PMEPA1: variants seen among roughly 807,000 people sequenced by gnomAD.
The protein encoded by PMEPA1 is prostate transmembrane protein, androgen induced 1.
A neutral mutation model predicts 23.0 loss-of-function variants in PMEPA1; 11 were observed. The ratio of observed to expected loss-of-function variants is 0.48; its 90% CI spans 0.30 to 0.79. The LOEUF (loss-of-function observed/expected upper bound fraction) is 0.79, where lower values mean the gene tolerates loss of function less well. PMEPA1 is among the 30% of genes least tolerant of loss of function. PMEPA1 has a pLI of 0.06. For missense variants in PMEPA1, 377 were observed against 390.9 expected (o/e 0.96, Z 0.30); for synonymous variants, 204 against 166.4 (o/e 1.23, Z -1.74).
rs1425048089 is a variant in PMEPA1, at chr20:57,651,324, C to T, written c.*729G>A. On this transcript the variant is annotated 3_prime_UTR_variant, in exon 4 of 4. Coordinates refer to ENST00000341744, the MANE Select transcript of PMEPA1 (RefSeq NM_020182.5). ...CCTCTCTGCAGACTCCACGGGGGCT[C>T]ACCCTCTGCCGTCAGGCGACTCTGA... 1.3e-5 allele frequency: 2 copies of T among 152,712 alleles called. No individual in the cohort carries two copies. Among genetic ancestry groups the T allele is most frequent in the Non-Finnish European group, 2.9e-5 (2 of 68,048 alleles). 9.5% of individuals were successfully genotyped at this position (152,712 alleles called of 1,614,324 possible).
chr20:57,703,622 G>C (rs2072040100), intron 1 of PMEPA1, among the ~76,000 whole-genome samples: 1 of 152,206 alleles, frequency 6.6e-6, no homozygotes, highest in African/African-American at 2.4e-5. Context: ...GCCTGGCAAG[G>C]ACAAGGAGTA....
At chr20:57,678,428 G>A (rs1287845394) in intron 1 of PMEPA1, among the ~76,000 whole-genome samples, 6 of 152,246 alleles carry the variant, frequency 3.9e-5, no homozygotes, top group South Asian at 2.1e-4. Context: ...CACCAGAATC[G>A]CCCTGGCAGA....
chr20:57,689,575 T>A (rs1158263492), intron 1 of PMEPA1, among the ~76,000 whole-genome samples: 2 of 152,172 alleles, frequency 1.3e-5, no homozygotes, highest in African/African-American at 4.8e-5. Flanking sequence ...ACTCGGGGAA[T>A]CCTCTTTGCC....
intron 1 of PMEPA1, among the ~76,000 whole-genome samples, chr20:57,695,405 T>C (rs2071931881): frequency 6.6e-6 from 1 of 152,136 alleles, no homozygotes; most frequent in South Asian, 2.1e-4. Flanking sequence ...CAGATTCAGG[T>C]TACAAAATGT....
rs958905366 is a variant in PMEPA1, at chr20:57,683,312, G to A, written c.110-23615C>T. Among the ~76,000 whole-genome samples the A allele has an allele frequency of 2.0e-5, 3 of 152,212 alleles. No individual in the cohort carries two copies. Among genetic ancestry groups the A allele is most frequent in the Non-Finnish European group, 2.9e-5 (2 of 68,048 alleles). On this transcript the variant is annotated intron_variant, in intron 1 of 3. Coordinates refer to ENST00000341744, the MANE Select transcript of PMEPA1 (RefSeq NM_020182.5). The surrounding 1 kb of genome is among the most constrained non-coding windows in gnomAD (Gnocchi z 4.3). ...TTTGGAGGGAAACATCAATACTGTT[G>A]CCATTCAGTTCTCTATGCCATGCTG...
chr20:57,700,521 G>A (rs2071997406), intron 1 of PMEPA1, among the ~76,000 whole-genome samples: 1 of 152,102 alleles, frequency 6.6e-6, no homozygotes, highest in Non-Finnish European at 1.5e-5. Context: ...CAGCCCAAGG[G>A]GAGTCTAGCA....
At chr20:57,676,279 C>T (rs898174814) in intron 1 of PMEPA1, among the ~76,000 whole-genome samples, 2 of 152,220 alleles carry the variant, frequency 1.3e-5, no homozygotes, top group African/African-American at 4.8e-5. Flanking sequence ...GAATCAACAA[C>T]AGTACCTGCC....
chr20:57,664,559 G>A (rs536730520), intron 1 of PMEPA1, among the ~76,000 whole-genome samples: 8 of 149,758 alleles, frequency 5.3e-5, no homozygotes, highest in Non-Finnish European at 1.0e-4. Flanking sequence ...AATCCTCTTC[G>A]TGCCTGCATT....
At chr20:57,690,641 C>T in intron 1 of PMEPA1, 1 of 1,118,544 alleles carries the variant, frequency 8.9e-7, no homozygotes. Flanking sequence ...CGCACCCCAG[C>T]CTGCGCTTCT....
In PMEPA1 at chr20:57,683,139, C is replaced by T. The variant is rs543381395; in HGVS notation, c.110-23442G>A. On this transcript the variant is annotated intron_variant, in intron 1 of 3. Transcript: ENST00000341744. This position sits in a 1 kb window ranked among gnomAD's most constrained non-coding sequence, Gnocchi z 4.3. ...TCCCTGAGCAGGTAGAGGCTGCTCA[C>T]GTTAGAGGGCACGGATATCCCCCAC... Among the ~76,000 whole-genome samples, 15 of 152,246 alleles carry T rather than the reference C, an allele frequency of 9.9e-5. No homozygotes were observed. The highest frequency in any genetic ancestry group is 3.6e-4 in the African/African-American group (15 of 41,550).
intron 2 of PMEPA1, among the ~76,000 whole-genome samples, chr20:57,658,516 T>C (rs1600776121): frequency 6.6e-6 from 1 of 152,252 alleles, no homozygotes; most frequent in African/African-American, 2.4e-5. Flanking sequence ...TGGGTAGAGA[T>C]CTGTCAGGTG....
chr20:57,659,095 T>C (rs1472874504), intron 2 of PMEPA1, among the ~76,000 whole-genome samples: 1 of 152,176 alleles, frequency 6.6e-6, no homozygotes, highest in Non-Finnish European at 1.5e-5. Context: ...CCTGCCTCCC[T>C]AGCCGAGGGT....
At chr20:57,678,111 G>A (rs901063262) in intron 1 of PMEPA1, among the ~76,000 whole-genome samples, 1 of 152,100 alleles carries the variant, frequency 6.6e-6, no homozygotes, top group Non-Finnish European at 1.5e-5. Context: ...CTTGACTGGT[G>A]GTTACACAAA....
intron 1 of PMEPA1, among the ~76,000 whole-genome samples, chr20:57,665,294 T>C (rs1404127708): frequency 6.6e-6 from 1 of 152,162 alleles, no homozygotes; most frequent in African/African-American, 2.4e-5. Flanking sequence ...AGGTTGAGAC[T>C]TGAGCCCAGA....
intron 1 of PMEPA1, among the ~76,000 whole-genome samples, chr20:57,674,327 C>T (rs2071607906): frequency 6.6e-6 from 1 of 152,210 alleles, no homozygotes; most frequent in South Asian, 2.1e-4. Context: ...AGGAGGTGGC[C>T]ATCTACAAGC....
chr20:57,710,794 T>C, upstream of PMEPA1: 1 of 321,190 alleles, frequency 3.1e-6, no homozygotes, highest in Non-Finnish European at 5.6e-6. Context: ...ATTACAGGAG[T>C]GCTACAAGAA....
rs2071187018 is a variant in PMEPA1, at chr20:57,649,107, C to A, written c.*2946G>T. The A allele has an allele frequency of 6.6e-6, 1 of 152,190 alleles. No homozygotes were observed. Among genetic ancestry groups the A allele is most frequent in the African/African-American group, 2.4e-5 (1 of 41,434 alleles). 9.4% of individuals were successfully genotyped at this position (152,190 alleles called of 1,614,324 possible). ...AGTGACAAGGCTAGAGAAAGCCACG[C>A]TCGGCCTTCTCTGAACCAGGATGGA... On this transcript the variant is annotated 3_prime_UTR_variant, in exon 4 of 4. Transcript: ENST00000341744.
Position 57,652,971 on chromosome 20 carries a change from C to G in PMEPA1, c.318+62G>C, listed in dbSNP as rs2071274438. On this transcript the variant is annotated intron_variant, in intron 3 of 3. Coordinates refer to ENST00000341744, the MANE Select transcript of PMEPA1 (RefSeq NM_020182.5). This position sits in a 1 kb window ranked among gnomAD's most constrained non-coding sequence, Gnocchi z 6.1. The stretch of plus-strand genomic sequence containing the variant: ...CTTTAGCAGCCCACACTGTTCCAGC[C>G]GCAGCGGGAGCAGCCCAGGGTGGGA... 4 of 1,390,564 alleles carry G rather than the reference C, an allele frequency of 2.9e-6. No homozygotes were observed. The highest frequency in any genetic ancestry group is 4.0e-6 in the Non-Finnish European group (4 of 997,270). The allele number at this position is 1,390,564 out of a possible 1,614,324, so 86.1% of individuals were successfully genotyped here. A position where few individuals can be genotyped will look rare whatever the true frequency, so the allele number is the denominator to read the frequency against.
Position 57,709,747 on chromosome 20 carries a change from G to A in PMEPA1, c.-165C>T, listed in dbSNP as rs1272184858. Reference sequence around the variant, plus strand: ...CGCCGCCAAGTTCCCGGGGCGCCGCGGGGCTCAGTGCGCGGGACCGCGCTC... The same window carrying A: ...CGCCGCCAAGTTCCCGGGGCGCCGCAGGGCTCAGTGCGCGGGACCGCGCTC... On this transcript the variant is annotated 5_prime_UTR_variant, in exon 1 of 4. Coordinates refer to ENST00000341744, the MANE Select transcript of PMEPA1 (RefSeq NM_020182.5). The A allele has an allele frequency of 2.5e-4, 243 of 979,998 alleles. No homozygotes were observed. The African/African-American group carries it at 4.1e-3, about 16-fold the overall frequency. 60.7% of individuals were successfully genotyped at this position (979,998 alleles called of 1,614,324 possible).
Sources: gnomAD v4.1 joint callset for allele counts (sites outside exome capture counted in the v4.1 genomes callset) on GRCh38, gnomAD v4.1.1 for gene constraint, Gnocchi (gnomAD v3.1) non-coding constraint, MANE v1.5 for transcripts, NCBI Gene and HGNC (gene_info 2026-07-23, HGNC 2026-07-21) for gene names.